Variants in PLXDC2 observed in about 807,000 individuals in gnomAD.
PLXDC2 encodes plexin domain-containing protein 2.
In PLXDC2, 40 loss-of-function variants were observed where a neutral mutation model predicts 68.9. That is an observed-to-expected ratio of 0.58 (90% CI 0.45 to 0.76). PLXDC2 has a LOEUF of 0.76. Ranked by LOEUF, PLXDC2 falls within the 30% of genes least tolerant of loss-of-function variation. The pLI, the probability that PLXDC2 is intolerant of heterozygous loss-of-function variation, is 0.00. For synonymous variants in PLXDC2, 243 were observed against 234.2 expected, an observed-to-expected ratio of 1.04 and a Z score of -0.34; for missense variants, 644 against 661.9, an observed-to-expected ratio of 0.97 and a Z score of 0.30.
intron 13 of PLXDC2, among the ~76,000 whole-genome samples, chr10:20,277,990 C>T (rs559512491): frequency 1.3e-5 from 2 of 152,296 alleles, no homozygotes; most frequent in South Asian, 4.1e-4. Context: ...TAATGATCTC[C>T]AGTCCATCCA....
intron 9 of PLXDC2, among the ~76,000 whole-genome samples, chr10:20,195,237 C>T (rs1275727973): frequency 1.3e-5 from 2 of 152,028 alleles, no homozygotes; most frequent in African/African-American, 4.8e-5. Flanking sequence ...AAAGGGCTAC[C>T]GCAGCCACTG....
At chr10:19,916,037 A>C (rs183480143) in intron 1 of PLXDC2, among the ~76,000 whole-genome samples, 1 of 151,946 alleles carries the variant, frequency 6.6e-6, no homozygotes, top group African/African-American at 2.4e-5. Context: ...TACAAAGTAC[A>C]TCTGACTTGG....
At chr10:20,065,983 A>G (rs1836203264) in intron 3 of PLXDC2, among the ~76,000 whole-genome samples, 1 of 152,252 alleles carries the variant, frequency 6.6e-6, no homozygotes, top group Non-Finnish European at 1.5e-5. Flanking sequence ...TAGAGCCATG[A>G]CACTTCTGAG....
At chr10:19,916,511 A>G (rs1244502067) in intron 1 of PLXDC2, among the ~76,000 whole-genome samples, 1 of 152,080 alleles carries the variant, frequency 6.6e-6, no homozygotes, top group African/African-American at 2.4e-5. Flanking sequence ...CAAAGTCTCA[A>G]AAATACTCAA....
chr10:19,861,613 A>G (rs1239983415), intron 1 of PLXDC2, among the ~76,000 whole-genome samples: 2 of 152,078 alleles, frequency 1.3e-5, no homozygotes, highest in Admixed American at 6.6e-5. Context: ...CCTCTCTCAT[A>G]TATATTCCTA....
At chr10:20,081,509 A>G (rs1024328584) in intron 4 of PLXDC2, among the ~76,000 whole-genome samples, 2 of 152,224 alleles carry the variant, frequency 1.3e-5, no homozygotes, top group Non-Finnish European at 1.5e-5. Flanking sequence ...TTGGAATATC[A>G]GAAGAGAAGA....
intron 2 of PLXDC2, among the ~76,000 whole-genome samples, chr10:20,018,974 G>C (rs1427622450): frequency 6.6e-6 from 1 of 152,138 alleles, no homozygotes; most frequent in Non-Finnish European, 1.5e-5. Flanking sequence ...ATCATGCTCA[G>C]CTAAATAAAA....
At chr10:20,008,131 T>G (rs1371669465) in intron 2 of PLXDC2, among the ~76,000 whole-genome samples, 1 of 152,242 alleles carries the variant, frequency 6.6e-6, no homozygotes, top group Non-Finnish European at 1.5e-5. Context: ...GCAATATGTT[T>G]CTTTAAAAAT....
intron 6 of PLXDC2, among the ~76,000 whole-genome samples, chr10:20,159,762 A>G (rs1223816400): frequency 1.3e-5 from 2 of 151,918 alleles, no homozygotes; most frequent in African/African-American, 2.4e-5. Context: ...CAACCTTTTA[A>G]CTCCTAAAAT....
chr10:20,266,681 T>C (rs755177822), intron 13 of PLXDC2, among the ~76,000 whole-genome samples: 6 of 152,162 alleles, frequency 3.9e-5, no homozygotes, highest in Non-Finnish European at 8.8e-5. Flanking sequence ...CTCTGGTTAA[T>C]AGGTAGAAAT....
chr10:19,996,645 G>A (rs1834848200), intron 1 of PLXDC2, among the ~76,000 whole-genome samples: 2 of 152,144 alleles, frequency 1.3e-5, no homozygotes, highest in Non-Finnish European at 2.9e-5. Context: ...TGATGGAAAT[G>A]TGACCTGAGG....
chr10:20,224,942 C>T (rs1328170730), intron 12 of PLXDC2, among the ~76,000 whole-genome samples: 1 of 152,078 alleles, frequency 6.6e-6, no homozygotes, highest in Non-Finnish European at 1.5e-5. Context: ...TGAACCTGAA[C>T]TCTGAAAGGC....
intron 1 of PLXDC2, among the ~76,000 whole-genome samples, chr10:19,970,244 G>A (rs1042536697): frequency 6.6e-6 from 1 of 152,212 alleles, no homozygotes; most frequent in Non-Finnish European, 1.5e-5. Flanking sequence ...ATGAATGACT[G>A]ATTTATTGTT....
chr10:20,007,327 A>C (rs1338200620), intron 2 of PLXDC2, among the ~76,000 whole-genome samples: 1 of 152,218 alleles, frequency 6.6e-6, no homozygotes, highest in Non-Finnish European at 1.5e-5. Flanking sequence ...TCATCAGCCT[A>C]TTGCTGTAGA....
At chr10:19,827,439 C>G (rs761113044) in intron 1 of PLXDC2, among the ~76,000 whole-genome samples, 1 of 152,188 alleles carries the variant, frequency 6.6e-6, no homozygotes, top group Non-Finnish European at 1.5e-5. Context: ...CTTATGAAGT[C>G]TCTGGGTCAT....
chr10:19,840,493 T>C (rs1836883829), intron 1 of PLXDC2, among the ~76,000 whole-genome samples: 1 of 152,166 alleles, frequency 6.6e-6, no homozygotes, highest in Admixed American at 6.6e-5. Flanking sequence ...AATCTTACTG[T>C]TATTAATATT....
At chr10:20,065,191 A>G (rs971865617) in intron 3 of PLXDC2, among the ~76,000 whole-genome samples, 3 of 152,212 alleles carry the variant, frequency 2.0e-5, no homozygotes, top group Non-Finnish European at 4.4e-5. Flanking sequence ...TGTTGTCAGA[A>G]GGGATGTCAT....
chr10:19,818,642 T>C (rs919118616), intron 1 of PLXDC2, among the ~76,000 whole-genome samples: 3 of 152,208 alleles, frequency 2.0e-5, no homozygotes, highest in African/African-American at 7.2e-5. Context: ...TTGTTCTGCA[T>C]TAATGGACAT....
intron 2 of PLXDC2, among the ~76,000 whole-genome samples, chr10:20,022,638 C>T (rs759400164): frequency 6.6e-6 from 1 of 152,244 alleles, no homozygotes; most frequent in Non-Finnish European, 1.5e-5. Flanking sequence ...CTCCTCTACA[C>T]GCTTTGACAC....
Sources: allele counts gnomAD v4.1 joint callset (sites outside exome capture counted in the v4.1 genomes callset), GRCh38; gene constraint gnomAD v4.1.1; transcripts MANE v1.5; gene names NCBI Gene and HGNC (gene_info 2026-07-23, HGNC 2026-07-21).